Variants in HECW2 observed in about 807,000 individuals in gnomAD.
The protein encoded by HECW2 is E3 ubiquitin-protein ligase HECW2.
A neutral mutation model predicts 175.2 loss-of-function variants in HECW2; 61 were observed. The observed-to-expected ratio is 0.35, with a 90% CI of 0.28 to 0.43. HECW2 has a LOEUF of 0.43. Among genes scored for constraint, HECW2 ranks in the 20% least tolerant of loss-of-function variants. HECW2 has a pLI of 1.00. For synonymous variants in HECW2, 671 were observed against 731.0 expected, an observed-to-expected ratio of 0.92 and a Z score of 1.32; for missense variants, 1,524 against 2,000.5, an observed-to-expected ratio of 0.76 and a Z score of 4.54.
At chr2:196,292,245 G>A in intron 14 of HECW2, 1 of 230,960 alleles carries the variant, frequency 4.3e-6, no homozygotes, top group East Asian at 9.0e-5. Flanking sequence ...GTATCACTAG[G>A]GATAAGGAAG....
intron 2 of HECW2, among the ~76,000 whole-genome samples, chr2:196,354,025 C>A (rs112480184): frequency 4.6e-5 from 7 of 152,202 alleles, no homozygotes; most frequent in African/African-American, 1.7e-4. Flanking sequence ...CAGGACCCAC[C>A]GAATGCAAGT....
At chr2:196,357,950 A>G (rs1448262374) in intron 2 of HECW2, among the ~76,000 whole-genome samples, 1 of 152,234 alleles carries the variant, frequency 6.6e-6, no homozygotes, top group Non-Finnish European at 1.5e-5. Context: ...AGTTCTTTAT[A>G]GTAGTGTGAA....
chr2:196,222,224 T>A lies in HECW2; in HGVS notation c.4133A>T (p.Glu1378Val). 1 of 1,613,438 alleles carries A rather than the reference T, an allele frequency of 6.2e-7. No individual in the cohort carries two copies. Among genetic ancestry groups the A allele is most frequent in the Non-Finnish European group, 8.5e-7 (1 of 1,179,732 alleles). ...ILDLTFTVNEEVFGQITEREL... is the reference protein window; with the variant it reads ...ILDLTFTVNEVVFGQITEREL... ...AGATACACACACCTGCCCAAATACT[T>A]CTTCGTTCACAGTGAACGTGAGGTC... Residue 1378 changes from glutamate to valine, a missense_variant, in exon 24 of 29, where the codon GAA becomes GTA. Physicochemically the swap from Glu to Val is moderately radical, Grantham distance 121 (BLOSUM62 -2). Coordinates refer to ENST00000644978, the MANE Select transcript of HECW2 (RefSeq NM_001348768.2).
At chr2:196,295,818 C>T (rs893759494) in intron 13 of HECW2, among the ~76,000 whole-genome samples, 1 of 152,176 alleles carries the variant, frequency 6.6e-6, no homozygotes, top group Non-Finnish European at 1.5e-5. Flanking sequence ...AATCTTAAGG[C>T]TGGTCTTATA....
At position 196,198,131 on chromosome 2, in the gene HECW2, G is replaced by C. The variant is rs897815382; in HGVS notation, c.*3146C>G. The C allele has an allele frequency of 2.0e-5, 3 of 152,126 alleles. No individual in the cohort carries two copies. The highest frequency in any genetic ancestry group is 4.8e-5 in the African/African-American group (2 of 41,424). The allele number at this position is 152,126 out of a possible 1,614,324, so 9.4% of individuals were successfully genotyped here. On this transcript the variant is annotated 3_prime_UTR_variant, in exon 29 of 29. Coordinates refer to ENST00000644978, the MANE Select transcript of HECW2 (RefSeq NM_001348768.2). Reference sequence around the variant, plus strand: ...CACTGAAAACCAATGGTGCATTGTAGAATAGATGAAGGGAAACAGGGAAAC... The same window carrying C: ...CACTGAAAACCAATGGTGCATTGTACAATAGATGAAGGGAAACAGGGAAAC...
chr2:196,255,606 ATC>A (rs1255381086), intron 18 of HECW2, among the ~76,000 whole-genome samples: 20 of 152,334 alleles, frequency 1.3e-4, no homozygotes, highest in Middle Eastern at 6.8e-3. Flanking sequence ...GAGCAACACT[ATC>A]TCTACATTGC....
At chr2:196,558,240 T>C (rs913457080) in intron 1 of HECW2, among the ~76,000 whole-genome samples, 2 of 152,212 alleles carry the variant, frequency 1.3e-5, no homozygotes, top group Admixed American at 1.3e-4. Context: ...ATCAGAGCTT[T>C]CAAACTCAGA....
At chr2:196,266,707 A>T (rs2105949290) in intron 17 of HECW2, among the ~76,000 whole-genome samples, 1 of 152,362 alleles carries the variant, frequency 6.6e-6, no homozygotes, top group South Asian at 2.1e-4. Flanking sequence ...AGCAATTTTG[A>T]ACACTAGGGT....
chr2:196,301,924 T>C (rs1691077530), intron 13 of HECW2, among the ~76,000 whole-genome samples: 2 of 152,194 alleles, frequency 1.3e-5, no homozygotes, highest in Non-Finnish European at 2.9e-5. Context: ...TTTGTTGCAA[T>C]TGCTTTTGGT....
At chr2:196,355,463 C>T (rs1328446239) in intron 2 of HECW2, among the ~76,000 whole-genome samples, 2 of 152,164 alleles carry the variant, frequency 1.3e-5, no homozygotes, top group Non-Finnish European at 2.9e-5. Flanking sequence ...CAATCCTATC[C>T]CCTGTAACAA....
intron 17 of HECW2, among the ~76,000 whole-genome samples, chr2:196,267,059 T>C (rs918827730): frequency 6.6e-6 from 1 of 152,126 alleles, no homozygotes; most frequent in Admixed American, 6.5e-5. Flanking sequence ...CATGTCCTCA[T>C]GGTGAGGGGA....
chr2:196,279,198 A>G (rs1038253146), intron 14 of HECW2, among the ~76,000 whole-genome samples: 2 of 151,848 alleles, frequency 1.3e-5, no homozygotes, highest in Non-Finnish European at 2.9e-5. Flanking sequence ...ACAGGCGCCC[A>G]CCACCACGCC....
chr2:196,428,565 T>C (rs1695615051), intron 2 of HECW2, among the ~76,000 whole-genome samples: 1 of 152,230 alleles, frequency 6.6e-6, no homozygotes, highest in Non-Finnish European at 1.5e-5. Flanking sequence ...CACATTTTCA[T>C]GTTATTAATT....
intron 2 of HECW2, among the ~76,000 whole-genome samples, chr2:196,385,398 T>C (rs1694318656): frequency 6.6e-6 from 1 of 152,216 alleles, no homozygotes; most frequent in Non-Finnish European, 1.5e-5. Flanking sequence ...ATTTTTAAAA[T>C]ATGATCTCAC....
At chr2:196,239,881 G>C (rs1181355184) in intron 21 of HECW2, 3 of 152,248 alleles carry the variant, frequency 2.0e-5, no homozygotes, top group Non-Finnish European at 4.4e-5. Flanking sequence ...CATGGAAGGC[G>C]GGACATGTTT....
intron 1 of HECW2, among the ~76,000 whole-genome samples, chr2:196,552,997 A>C (rs898903092): frequency 1.3e-5 from 2 of 152,190 alleles, no homozygotes; most frequent in African/African-American, 4.8e-5. Context: ...ATAAGGCCCC[A>C]GGGGGAGATG....
At chr2:196,253,846 T>G (rs1481437209) in intron 19 of HECW2, 74 bp downstream of exon 19, 2 of 1,370,468 alleles carry the variant, frequency 1.5e-6, no homozygotes, top group Non-Finnish European at 1.0e-6. Context: ...CTGTTCTGTC[T>G]TTAGGGAGGA....
At chr2:196,215,008 A>G (rs969420976) in intron 28 of HECW2, among the ~76,000 whole-genome samples, 5 of 152,206 alleles carry the variant, frequency 3.3e-5, no homozygotes, top group African/African-American at 1.2e-4. Context: ...TCTCTAGAGT[A>G]TAGTTGTATT....
At chr2:196,377,243 T>C (rs919085335) in intron 2 of HECW2, among the ~76,000 whole-genome samples, 1 of 152,218 alleles carries the variant, frequency 6.6e-6, no homozygotes, top group African/African-American at 2.4e-5. Context: ...AATTATATTA[T>C]GGTCATTTTG....
Sources: gnomAD v4.1 joint callset for allele counts (sites outside exome capture counted in the v4.1 genomes callset) on GRCh38, gnomAD v4.1.1 for gene constraint, MANE v1.5 for transcripts, NCBI Gene and HGNC (gene_info 2026-07-23, HGNC 2026-07-21) for gene names.